KBTBD12: variants seen among roughly 807,000 people sequenced by gnomAD.
KBTBD12 encodes the protein kelch repeat and BTB domain containing 12, also known as kelch repeat and BTB domain-containing protein 12.
A neutral mutation model predicts 58.7 loss-of-function variants in KBTBD12; 53 were observed. That is an observed-to-expected ratio of 0.90 (90% confidence interval 0.72 to 1.14). The LOEUF (loss-of-function observed/expected upper bound fraction) is 1.14, where lower values mean the gene tolerates loss of function less well. Ranked by LOEUF, KBTBD12 falls within the 50% of genes most tolerant of loss-of-function variation. The pLI is 0.00. For synonymous variants in KBTBD12, 236 were observed against 259.8 expected (o/e 0.91, Z 0.88); for missense variants, 704 against 751.3 (o/e 0.94, Z 0.74).
chr3:127,918,803 A>T (rs1420820678), intron 1 of KBTBD12, among the ~76,000 whole-genome samples: 5 of 152,196 alleles, frequency 3.3e-5, no homozygotes, highest in Non-Finnish European at 7.3e-5. Context: ...CAAAGATTGA[A>T]AAATATAAGG....
chr3:127,966,487 T>G (rs1408367286), intron 5 of KBTBD12, among the ~76,000 whole-genome samples: 1 of 152,198 alleles, frequency 6.6e-6, no homozygotes, highest in South Asian at 2.1e-4. Flanking sequence ...AAAGGATATT[T>G]AAAACATTTC....
intron 5 of KBTBD12, among the ~76,000 whole-genome samples, chr3:127,969,033 C>G (rs1171178901): frequency 1.3e-5 from 2 of 152,146 alleles, no homozygotes; most frequent in Non-Finnish European, 2.9e-5. Flanking sequence ...AGGAACAAGG[C>G]ATGAATGCCT....
chr3:127,958,408 G>T (rs897773138), intron 4 of KBTBD12, among the ~76,000 whole-genome samples: 1 of 152,128 alleles, frequency 6.6e-6, no homozygotes, highest in Non-Finnish European at 1.5e-5. Context: ...GACCTGCTGG[G>T]ACCCCTGCAG....
Position 127,951,452 on chromosome 3 carries a change from G to T in KBTBD12, c.1493-11737G>T, listed in dbSNP as rs1940201440. On this transcript the variant is annotated intron_variant, in intron 4 of 5. Coordinates refer to ENST00000405109, the MANE Select transcript of KBTBD12 (RefSeq NM_207335.4). Reference sequence around the variant, plus strand: ...AAGGGGTCAGGTCAGCCTTAGAAGAGGACTCAGTGGAGTGAGTCAGCCTCT... The same window carrying T: ...AAGGGGTCAGGTCAGCCTTAGAAGATGACTCAGTGGAGTGAGTCAGCCTCT... Among the ~76,000 whole-genome samples, 4 of 152,184 alleles carry T rather than the reference G, an allele frequency of 2.6e-5. No individual in the cohort carries two copies. In the South Asian group the frequency reaches 8.3e-4, roughly 31 times the overall value.
intron 4 of KBTBD12, among the ~76,000 whole-genome samples, chr3:127,932,852 A>C (rs1201308271): frequency 6.6e-6 from 1 of 152,188 alleles, no homozygotes; most frequent in Admixed American, 6.5e-5. Context: ...ACTTTGCTAA[A>C]TTCTTTGCTT....
intron 5 of KBTBD12, among the ~76,000 whole-genome samples, chr3:127,982,998 G>A (rs181588174): frequency 6.6e-6 from 1 of 152,220 alleles, no homozygotes; most frequent in African/African-American, 2.4e-5. Flanking sequence ...AGAGGGCAGC[G>A]CTAGCCCAGG....
chr3:127,930,373 T>C, intron 4 of KBTBD12, 90 bp downstream of exon 4: 2 of 1,111,920 alleles, frequency 1.8e-6, no homozygotes, highest in Non-Finnish European at 2.6e-6. Context: ...CCTTTGCACT[T>C]GTATTCCAGT....
chr3:127,923,599 C>T lies in KBTBD12; in HGVS notation c.538C>T (p.Leu180Phe). 1.2e-6 allele frequency: 2 copies of T among 1,613,614 alleles called. No homozygotes were observed. The highest frequency in any genetic ancestry group is 1.7e-6 in the Non-Finnish European group (2 of 1,179,750). Residue 180 changes from leucine to phenylalanine, a missense_variant, in exon 2 of 6, where the codon CTT becomes TTT. Coordinates refer to ENST00000405109, the MANE Select transcript of KBTBD12 (RefSeq NM_207335.4). ...AATCGAAGTGCACCAATTTTTGACA[C>T]TTATTAAATCAGATGATCTTAACAT... ...LEIEVHQFLTLIKSDDLNISR... is the reference protein window; with the variant it reads ...LEIEVHQFLTFIKSDDLNISR...
intron 5 of KBTBD12, among the ~76,000 whole-genome samples, chr3:127,977,126 G>T (rs981531055): frequency 6.6e-6 from 1 of 152,146 alleles, no homozygotes; most frequent in Non-Finnish European, 1.5e-5. Context: ...AGTTCACTTA[G>T]GATAATAACC....
In KBTBD12 at chr3:127,927,937, A is replaced by G; in HGVS notation, c.1244A>G (p.Asn415Ser). Residue 415 changes from asparagine to serine, a missense_variant, in exon 3 of 6, where the codon AAT (asparagine) becomes AGT (serine). Coordinates refer to ENST00000405109, the MANE Select transcript of KBTBD12 (RefSeq NM_207335.4). ...CVDKYSVERD[N>S]WKRVSPLPLQ... ...GATAAGTACTCTGTAGAACGGGACA[A>G]TTGGAAAAGGGTGTCTCCCCTTCCA... 2 of 1,613,518 alleles carry G rather than the reference A, an allele frequency of 1.2e-6. No individual in the cohort carries two copies. Among genetic ancestry groups the G allele is most frequent in the South Asian group, 2.2e-5 (2 of 91,060 alleles).
chr3:127,928,261 G>A, intron 3 of KBTBD12: 1 of 532,734 alleles, frequency 1.9e-6, no homozygotes, highest in Middle Eastern at 3.4e-4. Flanking sequence ...TTTTCATGCT[G>A]TGCTCTTTAT....
chr3:127,953,442 G>T (rs1043061199), intron 4 of KBTBD12, among the ~76,000 whole-genome samples: 4 of 152,218 alleles, frequency 2.6e-5, no homozygotes, highest in African/African-American at 9.6e-5. Context: ...ACATTTTCAT[G>T]TAAGGAACTC....
chr3:127,958,435 G>C (rs1940363186), intron 4 of KBTBD12, among the ~76,000 whole-genome samples: 1 of 152,136 alleles, frequency 6.6e-6, no homozygotes, highest in Admixed American at 6.5e-5. Context: ...CTGGTGGTAA[G>C]ATGGAGAAGA....
intron 4 of KBTBD12, among the ~76,000 whole-genome samples, chr3:127,934,328 G>A (rs536717135): frequency 6.6e-6 from 1 of 152,212 alleles, no homozygotes; most frequent in East Asian, 1.9e-4. Flanking sequence ...CCCTGAAGGG[G>A]CTCAGGAGCA....
chr3:127,955,247 T>C (rs901496037), intron 4 of KBTBD12, among the ~76,000 whole-genome samples: 13 of 152,222 alleles, frequency 8.5e-5, no homozygotes, highest in Admixed American at 2.6e-4. Flanking sequence ...TTTTCCCACA[T>C]AGCTAATGTC....
In KBTBD12 at chr3:127,923,300, A is replaced by G; in HGVS notation, c.239A>G (p.Glu80Gly). The G allele has an allele frequency of 6.2e-7, 1 of 1,613,830 alleles. No homozygotes were observed. Among genetic ancestry groups the G allele is most frequent in the Non-Finnish European group, 8.5e-7 (1 of 1,179,772 alleles). Reference protein sequence around the residue: ...REVILYDITAESVSVLLNYMY... With the variant: ...REVILYDITAGSVSVLLNYMY... ...GTCATACTTTATGACATCACAGCAG[A>G]AAGTGTGTCGGTGTTATTAAATTAC... The change falls in exon 2 of 6, where the codon GAA becomes GGA. Residue 80 changes from glutamate to glycine, a missense_variant. Physicochemically the swap from Glu to Gly is moderately conservative, Grantham distance 98. Coordinates refer to ENST00000405109, the MANE Select transcript of KBTBD12 (RefSeq NM_207335.4).
intron 4 of KBTBD12, among the ~76,000 whole-genome samples, chr3:127,933,965 G>A (rs1053061721): frequency 1.1e-4 from 16 of 151,904 alleles, no homozygotes; most frequent in Admixed American, 3.3e-4. Flanking sequence ...ATAAAATCAG[G>A]ATAAAAAGTT....
At chr3:127,950,618 A>C (rs541416146) in intron 4 of KBTBD12, among the ~76,000 whole-genome samples, 4 of 152,276 alleles carry the variant, frequency 2.6e-5, no homozygotes, top group African/African-American at 9.6e-5. Flanking sequence ...GCGATGAAAG[A>C]TGCGCTCTAT....
At chr3:127,977,642 C>T (rs575583114) in intron 5 of KBTBD12, among the ~76,000 whole-genome samples, 275 of 152,282 alleles carry the variant, frequency 1.8e-3, no homozygotes, top group Non-Finnish European at 2.6e-3. Flanking sequence ...TGAAAAGTGT[C>T]TGTTCGTGTC....
Sources: allele counts gnomAD v4.1 joint callset (sites outside exome capture counted in the v4.1 genomes callset), GRCh38; gene constraint gnomAD v4.1.1; transcripts MANE v1.5; gene names NCBI Gene and HGNC (gene_info 2026-07-23, HGNC 2026-07-21).